Variants in HNF4G observed in about 807,000 individuals in gnomAD.
HNF4G encodes the protein hepatocyte nuclear factor 4 gamma, also known as hepatocyte nuclear factor 4-gamma.
Under a neutral mutation model 50.9 loss-of-function variants are expected in HNF4G, and 21 were observed. The observed-to-expected ratio is 0.41, with a 90% CI of 0.29 to 0.59. The LOEUF (loss-of-function observed/expected upper bound fraction) is 0.59, where lower values mean the gene tolerates loss of function less well. Among genes scored for constraint, HNF4G ranks in the 20% least tolerant of loss-of-function variants. The pLI is 0.26. For missense variants in HNF4G, 527 were observed against 559.4 expected (o/e 0.94, Z 0.58); for synonymous variants, 198 against 185.6 (o/e 1.07, Z -0.54).
chr8:75,521,382 C>T (rs551877501), intron 2 of HNF4G, among the ~76,000 whole-genome samples: 59 of 152,254 alleles, frequency 3.9e-4, no homozygotes, highest in African/African-American at 1.3e-3. Flanking sequence ...ATAGCAGCTG[C>T]ACAGTTTTAT....
intron 1 of HNF4G, among the ~76,000 whole-genome samples, chr8:75,420,782 G>A (rs1240430714): frequency 6.6e-6 from 1 of 152,192 alleles, no homozygotes; most frequent in Non-Finnish European, 1.5e-5. Flanking sequence ...TATTGTCACA[G>A]AAGGCCAGGC....
intron 1 of HNF4G, among the ~76,000 whole-genome samples, chr8:75,465,973 C>G (rs1220511623): frequency 6.6e-6 from 1 of 152,034 alleles, no homozygotes; most frequent in Admixed American, 6.6e-5. Flanking sequence ...TTGTGTGCAT[C>G]TGATGAAATA....
chr8:75,439,857 T>C (rs1563507041), intron 1 of HNF4G, among the ~76,000 whole-genome samples: 1 of 152,094 alleles, frequency 6.6e-6, no homozygotes, highest in South Asian at 2.1e-4. Context: ...CAGTTTTTAC[T>C]ACATAACTAA....
At chr8:75,435,749 A>C (rs1563505384) in intron 1 of HNF4G, among the ~76,000 whole-genome samples, 1 of 152,032 alleles carries the variant, frequency 6.6e-6, no homozygotes, top group Admixed American at 6.6e-5. Flanking sequence ...ATGCACCACC[A>C]CACCCAGCTA....
rs1812730122 is a variant in HNF4G, at chr8:75,494,932, GT to G, written c.-24+4729del. 2.6e-5 allele frequency among the ~76,000 whole-genome samples: 4 copies of G among 152,232 alleles called. No individual in the cohort carries two copies. In the South Asian group the frequency reaches 8.3e-4, roughly 32 times the overall value. On this transcript the variant is annotated intron_variant, in intron 2 of 10. Transcript: ENST00000354370. ...ACCTGCTATCTATAAGCAAGGTGAT[GT>G]TTTTGGTGTTAAGGAAACTATATAG...
rs761763547 is a variant in HNF4G at position 75,551,451 on chromosome 8, C to T, written c.446C>T (p.Pro149Leu). Residue 149 changes from proline to leucine, a missense_variant, in exon 4 of 10, where the codon CCC becomes CTC. Around this residue, in one of 5 missense-constraint regions of HNF4G, gnomAD observed 128 missense variants for 135.3 expected, o/e 0.95. Transcript: ENST00000396423. ...AGCACATTTGATGGCAGCAACATCCCCTCCATTAACACACTGGCACAAGCT... is the reference window on the plus strand; with the variant it reads ...AGCACATTTGATGGCAGCAACATCCTCTCCATTAACACACTGGCACAAGCT... Reference protein sequence around the residue: ...RRSTFDGSNIPSINTLAQAEV... With the variant: ...RRSTFDGSNILSINTLAQAEV... The T allele has an allele frequency of 5.6e-6, 9 of 1,613,134 alleles. No homozygotes were observed. In the South Asian group the frequency reaches 9.9e-5, roughly 18 times the overall value.
At chr8:75,549,162 A>G (rs918498873) in intron 3 of HNF4G, among the ~76,000 whole-genome samples, 5 of 152,216 alleles carry the variant, frequency 3.3e-5, no homozygotes, top group African/African-American at 9.6e-5. Flanking sequence ...TTCATAAAAG[A>G]ATGTGTTATT....
intron 1 of HNF4G, among the ~76,000 whole-genome samples, chr8:75,413,196 A>G (rs918303276): frequency 6.6e-6 from 1 of 151,662 alleles, no homozygotes; most frequent in Non-Finnish European, 1.5e-5. Flanking sequence ...AGCCATCACA[A>G]TCTTTAAGCA....
chr8:75,528,479 G>A (rs1045639207), intron 2 of HNF4G, among the ~76,000 whole-genome samples: 3 of 152,050 alleles, frequency 2.0e-5, no homozygotes, highest in Admixed American at 2.0e-4. Context: ...GGAATAAAAG[G>A]CATTTTTAGT....
At chr8:75,466,192 C>T (rs1811966497) in intron 1 of HNF4G, among the ~76,000 whole-genome samples, 2 of 152,140 alleles carry the variant, frequency 1.3e-5, no homozygotes, top group Middle Eastern at 6.8e-3. Context: ...AATTCTGTTC[C>T]TTTATACTCA....
At chr8:75,518,672 A>AG (rs1343867355) in intron 2 of HNF4G, among the ~76,000 whole-genome samples, 1 of 152,170 alleles carries the variant, frequency 6.6e-6, no homozygotes, top group Non-Finnish European at 1.5e-5. Context: ...ATTTAGCCAC[A>AG]GCTGGGACAC....
At chr8:75,438,258 C>T (rs1487588452) in intron 1 of HNF4G, among the ~76,000 whole-genome samples, 2 of 152,158 alleles carry the variant, frequency 1.3e-5, no homozygotes, top group African/African-American at 2.4e-5. Flanking sequence ...AACTTTCTTG[C>T]CTTTTCTCAT....
intron 9 of HNF4G, among the ~76,000 whole-genome samples, chr8:75,561,225 C>T (rs562968233): frequency 2.4e-4 from 37 of 152,274 alleles, no homozygotes; most frequent in Non-Finnish European, 4.1e-4. Context: ...TCTCCCCTTT[C>T]GACACATCCA....
chr8:75,413,998 A>G (rs930902426), intron 1 of HNF4G, among the ~76,000 whole-genome samples: 3 of 152,168 alleles, frequency 2.0e-5, no homozygotes, highest in Non-Finnish European at 4.4e-5. Flanking sequence ...TAAATTCTTT[A>G]TTTTTAAGTC....
intron 1 of HNF4G, among the ~76,000 whole-genome samples, chr8:75,428,841 G>A (rs953561530): frequency 5.9e-5 from 9 of 152,140 alleles, no homozygotes; most frequent in Admixed American, 1.3e-4. Flanking sequence ...TTTTAAGCAG[G>A]GAGATGGGGT....
At chr8:75,508,592 G>T (rs186468497) in intron 2 of HNF4G, among the ~76,000 whole-genome samples, 1 of 152,172 alleles carries the variant, frequency 6.6e-6, no homozygotes, top group Admixed American at 6.5e-5. Context: ...TAAGACAAAA[G>T]AACTACTTTT....
intron 3 of HNF4G, among the ~76,000 whole-genome samples, chr8:75,549,149 T>C (rs1806872593): frequency 6.6e-6 from 1 of 152,210 alleles, no homozygotes; most frequent in African/African-American, 2.4e-5. Flanking sequence ...ATTTTATCTT[T>C]TGTTCATAAA....
At chr8:75,551,810 G>A (rs1188163398) in intron 4 of HNF4G, among the ~76,000 whole-genome samples, 1 of 152,094 alleles carries the variant, frequency 6.6e-6, no homozygotes, top group Non-Finnish European at 1.5e-5. Flanking sequence ...TTATTTTATT[G>A]ATGGAATCTG....
upstream of HNF4G, among the ~76,000 whole-genome samples, chr8:75,537,010 T>C (rs1011403694): frequency 6.6e-6 from 1 of 152,158 alleles, no homozygotes; most frequent in African/African-American, 2.4e-5. Flanking sequence ...GAGCCTGTAA[T>C]CTCCATGTAG....
Sources: allele counts gnomAD v4.1 joint callset (sites outside exome capture counted in the v4.1 genomes callset), GRCh38; gene constraint gnomAD v4.1.1; regional missense constraint gnomAD v4.1.1; transcripts MANE v1.5; gene names NCBI Gene and HGNC (gene_info 2026-07-23, HGNC 2026-07-21).